YWHAE: variants seen among roughly 807,000 people sequenced by gnomAD.
YWHAE encodes the protein tyrosine 3-monooxygenase/tryptophan 5-monooxygenase activation protein epsilon, also known as 14-3-3 protein epsilon.
A neutral mutation model predicts 30.1 loss-of-function variants in YWHAE; 4 were observed. The observed-to-expected ratio is 0.13, with a 90% CI of 0.07 to 0.30. YWHAE has a LOEUF of 0.30. Ranked by LOEUF, YWHAE falls within the 10% of genes least tolerant of loss-of-function variation. The probability of loss-of-function intolerance (pLI) is 1.00; values close to 1 mark genes in which losing one functional copy is unlikely to be tolerated. For missense variants in YWHAE, 121 were observed against 315.9 expected, an observed-to-expected ratio of 0.38 and a Z score of 4.68; for synonymous variants, 118 against 111.8, an observed-to-expected ratio of 1.06 and a Z score of -0.35.
intron 1 of YWHAE, among the ~76,000 whole-genome samples, chr17:1,395,643 T>C (rs2073458097): frequency 6.7e-6 from 1 of 149,544 alleles, no homozygotes; most frequent in African/African-American, 2.6e-5. Flanking sequence ...ATTACTGGCC[T>C]ACAGTCAAAG....
At chr17:1,354,973 T>TTTGG (rs1555639219) in intron 4 of YWHAE, among the ~76,000 whole-genome samples, 1 of 64,428 alleles carries the variant, frequency 1.6e-5, no homozygotes, top group Non-Finnish European at 2.8e-5. Flanking sequence ...AGTTTTTTTT[T>TTTGG]TTTTTTTTTT....
intron 2 of YWHAE, 72 bp downstream of exon 2, chr17:1,364,787 A>T: frequency 6.5e-7 from 1 of 1,546,896 alleles, no homozygotes; most frequent in Non-Finnish European, 8.8e-7. Flanking sequence ...TTTTCTCTCA[A>T]AATCTTAAGT....
chr17:1,361,101 C>T lies in YWHAE; in HGVS notation c.569G>A (p.Arg190His). The T allele has an allele frequency of 1.2e-6, 2 of 1,613,842 alleles. No homozygotes were observed. Among genetic ancestry groups the T allele is most frequent in the Non-Finnish European group, 1.7e-6 (2 of 1,179,806 alleles). The change falls in exon 4 of 6, where the codon CGT (arginine) becomes CAT (histidine). Residue 190 changes from arginine to histidine, a missense_variant. This residue lies in a region of YWHAE where 99 missense variants were observed against 289.3 expected (regional missense o/e 0.34). Coordinates refer to ENST00000264335, the MANE Select transcript of YWHAE (RefSeq NM_006761.5). The part of the protein sequence containing the change: ...FYYEILNSPD[R>H]ACRLAKAAFD... ...CTTCCCCACAACTTACCTGCAGGCA[C>T]GGTCAGGGGAATTAAGAATTTCGTA...
chr17:1,400,017 T>C, intron 1 of YWHAE, 30 bp downstream of exon 1: 1 of 1,610,768 alleles, frequency 6.2e-7, no homozygotes, highest in Non-Finnish European at 8.5e-7. Flanking sequence ...GGTCCGAGAA[T>C]TCCAGCCCCC....
At chr17:1,355,527 C>A (rs1298970867) in intron 4 of YWHAE, among the ~76,000 whole-genome samples, 1 of 151,096 alleles carries the variant, frequency 6.6e-6, no homozygotes, top group Non-Finnish European at 1.5e-5. Flanking sequence ...TTAATGGAGG[C>A]AGGGAAGCAA....
intron 1 of YWHAE, among the ~76,000 whole-genome samples, chr17:1,389,950 C>A (rs2073365338): frequency 6.6e-6 from 1 of 151,466 alleles, no homozygotes; most frequent in Non-Finnish European, 1.5e-5. Context: ...TTCAAGCAAA[C>A]CTCCTGCCTC....
At chr17:1,360,077 C>G (rs927569275) in intron 4 of YWHAE, among the ~76,000 whole-genome samples, 2 of 152,086 alleles carry the variant, frequency 1.3e-5, no homozygotes, top group South Asian at 4.1e-4. Context: ...ATTCTCCTGT[C>G]TCAGCCTCCC....
At chr17:1,380,778 T>C (rs2073194891) in intron 1 of YWHAE, among the ~76,000 whole-genome samples, 1 of 152,166 alleles carries the variant, frequency 6.6e-6, no homozygotes. Flanking sequence ...TTACATCTCA[T>C]ATATTTAATC....
intron 1 of YWHAE, 86 bp from the exon 2 acceptor site, chr17:1,365,144 T>C (rs1442147635): frequency 7.9e-6 from 11 of 1,389,362 alleles, no homozygotes; most frequent in Non-Finnish European, 9.8e-6. Context: ...TCTGTCAAGC[T>C]ACTGCGAAAA....
chr17:1,377,438 G>C (rs1443245182), intron 1 of YWHAE, among the ~76,000 whole-genome samples: 1 of 152,050 alleles, frequency 6.6e-6, no homozygotes, highest in Non-Finnish European at 1.5e-5. Context: ...ACAGCATCAG[G>C]CACTGACATA....
At position 1,345,470 on chromosome 17, in the gene YWHAE, C is replaced by T; in HGVS notation, c.745G>A (p.Asp249Asn). 6.2e-7 allele frequency: 1 copy of T among 1,613,760 alleles called. No homozygotes were observed. The highest frequency in any genetic ancestry group is 1.1e-5 in the South Asian group (1 of 91,064). The change falls in exon 6 of 6, where the codon GAC (aspartate) becomes AAC (asparagine). Residue 249 changes from aspartate (D) to asparagine (N), a missense_variant. Physicochemically the swap from Asp to Asn is conservative, Grantham distance 23. Transcript: ENST00000264335. ...TCTCACTGATTTTCGTCTTCCACGT[C>T]CTGCAGCGCTTCTTTATTCTGCTCT... ...GEEQNKEALQ[D>N]VEDENQ
intron 2 of YWHAE, among the ~76,000 whole-genome samples, chr17:1,363,472 G>A (rs935354769): frequency 6.6e-6 from 1 of 152,016 alleles, no homozygotes; most frequent in Non-Finnish European, 1.5e-5. Flanking sequence ...CACCATGTCG[G>A]TCAGGCTGCT....
intron 1 of YWHAE, among the ~76,000 whole-genome samples, chr17:1,392,247 C>G (rs1278498395): frequency 6.6e-6 from 1 of 152,104 alleles, no homozygotes; most frequent in African/African-American, 2.4e-5. Context: ...TTGTGGTGCA[C>G]AGCTGTGGGC....
chr17:1,389,939 G>T (rs1360623002), intron 1 of YWHAE, among the ~76,000 whole-genome samples: 2 of 152,014 alleles, frequency 1.3e-5, no homozygotes, highest in African/African-American at 4.8e-5. Flanking sequence ...CGCCTCCCAG[G>T]TTCAAGCAAA....
At chr17:1,346,524 C>G (rs1392908527) in intron 5 of YWHAE, among the ~76,000 whole-genome samples, 1 of 152,184 alleles carries the variant, frequency 6.6e-6, no homozygotes, top group Non-Finnish European at 1.5e-5. Context: ...AGCATTTACA[C>G]TGAGTACAGC....
chr17:1,375,581 T>G (rs1385627698), intron 1 of YWHAE, among the ~76,000 whole-genome samples: 1 of 152,206 alleles, frequency 6.6e-6, no homozygotes, highest in African/African-American at 2.4e-5. Flanking sequence ...ATCGAATTTC[T>G]GGGACTTTTC....
intron 5 of YWHAE, among the ~76,000 whole-genome samples, chr17:1,348,791 A>C (rs1440246592): frequency 6.6e-6 from 1 of 152,192 alleles, no homozygotes. Context: ...TGGGAGGCCG[A>C]GGCAGGCGGA....
chr17:1,377,333 T>A (rs1567975192), intron 1 of YWHAE, among the ~76,000 whole-genome samples: 1 of 152,112 alleles, frequency 6.6e-6, no homozygotes, highest in Non-Finnish European at 1.5e-5. Flanking sequence ...CTTTTAGCCA[T>A]CACACTTCAA....
intron 1 of YWHAE, among the ~76,000 whole-genome samples, chr17:1,396,998 T>A (rs898868961): frequency 6.7e-6 from 1 of 149,450 alleles, no homozygotes; most frequent in Admixed American, 6.7e-5. Flanking sequence ...CCTGGTTCAC[T>A]ACAACCTTCA....
Sources: gnomAD v4.1 joint callset for allele counts (sites outside exome capture counted in the v4.1 genomes callset) on GRCh38, gnomAD v4.1.1 for gene constraint, gnomAD v4.1.1 regional missense constraint, MANE v1.5 for transcripts, NCBI Gene and HGNC (gene_info 2026-07-23, HGNC 2026-07-21) for gene names.